The following ASTN1 variants were observed in gnomAD, a reference collection of about 807,000 sequenced individuals.
ASTN1 encodes the protein astrotactin 1, also known as astrotactin-1.
ASTN1 carries 41 observed loss-of-function variants against 140.7 expected under a neutral mutation model. That is an observed-to-expected ratio of 0.29 (90% CI 0.23 to 0.38). The LOEUF (loss-of-function observed/expected upper bound fraction) is 0.38. Among genes scored for constraint, ASTN1 ranks in the 10% least tolerant of loss-of-function variants. The probability of loss-of-function intolerance (pLI) is 1.00; values close to 1 mark genes in which losing one functional copy is unlikely to be tolerated. For synonymous variants in ASTN1, 640 were observed against 652.2 expected (o/e 0.98, Z 0.29); for missense variants, 1,479 against 1,678.8 (o/e 0.88, Z 2.08).
intron 5 of ASTN1, among the ~76,000 whole-genome samples, chr1:177,025,835 C>A (rs1676081435): frequency 6.6e-6 from 1 of 152,180 alleles, no homozygotes; most frequent in Non-Finnish European, 1.5e-5. Context: ...GTGTGTCAGG[C>A]TCCAGTGCTC....
chr1:176,932,232 T>C (rs1671237133), intron 16 of ASTN1, among the ~76,000 whole-genome samples: 1 of 152,190 alleles, frequency 6.6e-6, no homozygotes, highest in Admixed American at 6.5e-5. Context: ...ATCAAAGGAC[T>C]CAAATCCAAA....
chr1:176,907,178 C>A (rs1285157272), intron 16 of ASTN1, among the ~76,000 whole-genome samples: 2 of 152,188 alleles, frequency 1.3e-5, no homozygotes, highest in Admixed American at 6.5e-5. Flanking sequence ...GCTGGAGAAT[C>A]TGCATTTTAT....
At chr1:177,051,837 G>T (rs546213182) in intron 2 of ASTN1, among the ~76,000 whole-genome samples, 2 of 152,134 alleles carry the variant, frequency 1.3e-5, no homozygotes, top group African/African-American at 4.8e-5. Flanking sequence ...CATTGTGAAT[G>T]AGAGTAATAA....
intron 1 of ASTN1, among the ~76,000 whole-genome samples, chr1:177,132,904 T>G (rs1022548408): frequency 2.0e-5 from 3 of 152,078 alleles, no homozygotes; most frequent in Middle Eastern, 3.2e-3. Flanking sequence ...GAGAAGGGGG[T>G]AAAAACATGA....
intron 2 of ASTN1, among the ~76,000 whole-genome samples, chr1:177,053,717 A>G (rs886064051): frequency 1.3e-5 from 2 of 152,374 alleles, no homozygotes; most frequent in Non-Finnish European, 1.5e-5. Context: ...TTGTATATGA[A>G]GAAGCTAAGT....
At chr1:177,005,477 A>G (rs2101921588) in intron 8 of ASTN1, among the ~76,000 whole-genome samples, 1 of 152,354 alleles carries the variant, frequency 6.6e-6, no homozygotes, top group East Asian at 1.9e-4. Context: ...ACTATTGGGT[A>G]TCTATCCAAA....
At chr1:177,036,042 T>G (rs1336451136) in intron 2 of ASTN1, among the ~76,000 whole-genome samples, 1 of 139,264 alleles carries the variant, frequency 7.2e-6, no homozygotes, top group African/African-American at 2.7e-5. Context: ...CTTTCTTTTT[T>G]TTTTTTTTTT....
downstream of ASTN1, among the ~76,000 whole-genome samples, chr1:176,858,051 A>C (rs1246850165): frequency 1.3e-5 from 2 of 152,174 alleles, no homozygotes; most frequent in African/African-American, 2.4e-5. Flanking sequence ...CCACTGAGAA[A>C]GATAGTAAGG....
At chr1:177,001,369 G>A (rs1674720216) in intron 8 of ASTN1, among the ~76,000 whole-genome samples, 1 of 152,194 alleles carries the variant, frequency 6.6e-6, no homozygotes, top group African/African-American at 2.4e-5. Context: ...TGTGACCAAT[G>A]CAAAGCATCA....
At chr1:177,089,044 C>T (rs1017533880) in intron 1 of ASTN1, among the ~76,000 whole-genome samples, 3 of 152,160 alleles carry the variant, frequency 2.0e-5, no homozygotes, top group Admixed American at 6.5e-5. Context: ...CCTTTATGAG[C>T]AGGACAATGG....
intron 1 of ASTN1, among the ~76,000 whole-genome samples, chr1:177,133,428 C>G (rs1682032854): frequency 6.6e-6 from 1 of 152,156 alleles, no homozygotes; most frequent in African/African-American, 2.4e-5. Flanking sequence ...TCCTCTGTAT[C>G]AAAAACACAT....
At chr1:177,097,466 A>G (rs565722415) in intron 1 of ASTN1, among the ~76,000 whole-genome samples, 1 of 152,354 alleles carries the variant, frequency 6.6e-6, no homozygotes, top group South Asian at 2.1e-4. Context: ...AATAAAGTTA[A>G]GTATCAATTT....
At chr1:176,942,448 T>C (rs1432655307) in intron 14 of ASTN1, among the ~76,000 whole-genome samples, 2 of 152,042 alleles carry the variant, frequency 1.3e-5, no homozygotes, top group Non-Finnish European at 2.9e-5. Flanking sequence ...ATTTTTAACA[T>C]AACTTGATGT....
chr1:176,936,373 A>G lies in ASTN1; in HGVS notation c.2378-3T>C. The G allele has an allele frequency of 1.9e-6, 3 of 1,609,510 alleles. No individual in the cohort carries two copies. Among genetic ancestry groups the G allele is most frequent in the Non-Finnish European group, 2.5e-6 (3 of 1,178,060 alleles). On this transcript the variant is annotated splice_region_variant and splice_polypyrimidine_tract_variant and intron_variant, in intron 14 of 22. Transcript: ENST00000361833. ...CACTTCACTGAAGTTCACCATCCCT[A>G]AGGACAGAAGAGATGTAAGCTGAGT... is the stretch of plus-strand genomic sequence containing the variant.
At chr1:177,063,186 A>G (rs1177580450) in intron 1 of ASTN1, among the ~76,000 whole-genome samples, 1 of 152,318 alleles carries the variant, frequency 6.6e-6, no homozygotes, top group Admixed American at 6.5e-5. Flanking sequence ...ACAGGTCATT[A>G]GCCTGTCTCA....
Position 176,862,634 on chromosome 1 carries a change from G to C in ASTN1, c.*1650C>G. On this transcript the variant is annotated 3_prime_UTR_variant, in exon 23 of 23. Coordinates refer to ENST00000361833, the MANE Select transcript of ASTN1 (RefSeq NM_004319.3). ...CAGCCTGAAATCACACTGAAACTCA[G>C]TGTGAGTTACAGTGCACAAGGGATT... 1 of 959,032 alleles carries C rather than the reference G, an allele frequency of 1.0e-6. No homozygotes were observed. Among genetic ancestry groups the C allele is most frequent in the Non-Finnish European group, 1.2e-6 (1 of 805,944 alleles). 59.4% of individuals were successfully genotyped at this position (959,032 alleles called of 1,614,324 possible).
chr1:177,061,038 T>G, intron 2 of ASTN1, 40 bp downstream of exon 2: 1 of 1,465,744 alleles, frequency 6.8e-7, no homozygotes, highest in South Asian at 1.5e-5. Context: ...CAAGGTAACA[T>G]AAGCTATGGC....
downstream of ASTN1, among the ~76,000 whole-genome samples, chr1:176,857,898 G>T (rs1052062684): frequency 6.6e-6 from 1 of 152,072 alleles, no homozygotes; most frequent in African/African-American, 2.4e-5. Flanking sequence ...GGCGTGAGTC[G>T]GTTTCATCTC....
At chr1:176,980,733 T>C (rs1241071823) in intron 8 of ASTN1, among the ~76,000 whole-genome samples, 1 of 152,024 alleles carries the variant, frequency 6.6e-6, no homozygotes, top group East Asian at 1.9e-4. Flanking sequence ...CAGGTTCAAA[T>C]GCTAAAAGGT....
Sources: gnomAD v4.1 joint callset for allele counts (sites outside exome capture counted in the v4.1 genomes callset) on GRCh38, gnomAD v4.1.1 for gene constraint, MANE v1.5 for transcripts, NCBI Gene and HGNC (gene_info 2026-07-23, HGNC 2026-07-21) for gene names.